MIA2: variants seen among roughly 807,000 people sequenced by gnomAD.
MIA2 encodes the protein MIA SH3 domain ER export factor 2, also known as melanoma inhibitory activity protein 2.
A neutral mutation model predicts 167.8 loss-of-function variants in MIA2; 127 were observed. That is an observed-to-expected ratio of 0.76 (90% CI 0.66 to 0.88). The LOEUF (loss-of-function observed/expected upper bound fraction) is 0.88. MIA2 is among the 40% of genes least tolerant of loss of function. MIA2 has a pLI of 0.00. For missense variants in MIA2, 1,690 were observed against 1,624.7 expected (o/e 1.04, Z -0.69); for synonymous variants, 552 against 541.9 (o/e 1.02, Z -0.26).
At chr14:39,263,127 A>G (rs1313792023) in intron 6 of MIA2, among the ~76,000 whole-genome samples, 1 of 152,132 alleles carries the variant, frequency 6.6e-6, no homozygotes, top group South Asian at 2.1e-4. Context: ...GTTTTTGCCC[A>G]TTCAGTATGA....
intron 20 of MIA2, 42 bp downstream of exon 20, chr14:39,314,841 T>G (rs770784856): frequency 7.8e-7 from 1 of 1,287,752 alleles, no homozygotes; most frequent in Non-Finnish European, 1.0e-6. Flanking sequence ...TGTGTGTATA[T>G]ATATATAATT....
In MIA2 at chr14:39,302,142, G is replaced by A. The variant is rs778696382; in HGVS notation, c.2633G>A (p.Arg878His). ...TTCAATGTCAAGACTCTGACTGAACGCTTGTTAAAGATGAAAGATTGGGCT... is the reference window on the plus strand; with the variant it reads ...TTCAATGTCAAGACTCTGACTGAACACTTGTTAAAGATGAAAGATTGGGCT... The part of the protein sequence containing the change: ...KESHIKTLTE[R>H]LLKMKDWAAM... Residue 878 changes from arginine to histidine, a missense_variant, in exon 15 of 29, where the codon CGC becomes CAC. By Grantham distance (29) the Arg-to-His change is conservative. Coordinates refer to ENST00000640607, the MANE Select transcript of MIA2 (RefSeq NM_001329214.4). The A allele has an allele frequency of 1.2e-6, 2 of 1,613,078 alleles. No individual in the cohort carries two copies. The highest frequency in any genetic ancestry group is 1.3e-5 in the African/African-American group (1 of 74,986).
At chr14:39,338,465 A>G (rs545777476) in intron 25 of MIA2, among the ~76,000 whole-genome samples, 209 of 152,356 alleles carry the variant, frequency 1.4e-3, no homozygotes, top group African/African-American at 4.8e-3. Flanking sequence ...TGATATAACT[A>G]ACACTCAGAT....
chr14:39,276,819 T>G (rs1298023387), intron 6 of MIA2, 115 bp from the exon 7 acceptor site: 1 of 1,058,066 alleles, frequency 9.5e-7, no homozygotes, highest in African/African-American at 1.6e-5. Context: ...ACTTTCTGTT[T>G]GGTGTTAGTC....
At chr14:39,348,656 T>A in intron 27 of MIA2, 87 bp from the exon 28 acceptor site, 1 of 1,536,076 alleles carries the variant, frequency 6.5e-7, no homozygotes, top group Non-Finnish European at 9.0e-7. Flanking sequence ...GCTTTCTGTC[T>A]AGATGATTTC....
chr14:39,263,987 C>G (rs181886179), intron 6 of MIA2, among the ~76,000 whole-genome samples: 1 of 152,154 alleles, frequency 6.6e-6, no homozygotes, highest in East Asian at 1.9e-4. Context: ...GGTACATGTA[C>G]AGGTTTGTTA....
At chr14:39,300,898 T>C (rs2062297768) in intron 14 of MIA2, among the ~76,000 whole-genome samples, 1 of 151,768 alleles carries the variant, frequency 6.6e-6, no homozygotes, top group Non-Finnish European at 1.5e-5. Flanking sequence ...GCTTTCTGAG[T>C]TTTATTCAGA....
intron 23 of MIA2, among the ~76,000 whole-genome samples, chr14:39,372,293 G>C (rs1398719001): frequency 2.0e-5 from 3 of 151,860 alleles, no homozygotes; most frequent in Non-Finnish European, 4.4e-5. Flanking sequence ...TCAGTTTTGT[G>C]TGAAAACGTA....
intron 6 of MIA2, chr14:39,266,495 C>T (rs1259120949): frequency 1.0e-6 from 1 of 985,378 alleles, no homozygotes; most frequent in African/African-American, 1.7e-5. Context: ...GAACTGAAGA[C>T]AGCTGGGCCT....
rs201213535 is a variant in MIA2, at chr14:39,279,411, A to G, written c.2042-38A>G. On this transcript the variant is annotated intron_variant, in intron 8 of 28. Transcript: ENST00000640607. ...CATTGTTGTGTTGTAAAAACTTATAATAATTTACTCATGGTAATATTGACT... is the reference window on the plus strand; with the variant it reads ...CATTGTTGTGTTGTAAAAACTTATAGTAATTTACTCATGGTAATATTGACT... The G allele has an allele frequency of 8.0e-5, 128 of 1,603,276 alleles. 2 individuals carry two copies. The highest frequency in any genetic ancestry group is 6.0e-4 in the East Asian group (27 of 44,770).
intron 6 of MIA2, among the ~76,000 whole-genome samples, chr14:39,256,780 GAA>G (rs1449163133): frequency 6.6e-6 from 1 of 152,186 alleles, no homozygotes; most frequent in Non-Finnish European, 1.5e-5. Context: ...AGTAAAAAAA[GAA>G]AATATAGAAC....
At chr14:39,318,887 C>T (rs2065931596) in intron 22 of MIA2, among the ~76,000 whole-genome samples, 1 of 152,074 alleles carries the variant, frequency 6.6e-6, no homozygotes, top group African/African-American at 2.4e-5. Flanking sequence ...AAATGATAGA[C>T]TGGTTGACCT....
chr14:39,259,692 G>A (rs1294046456), intron 6 of MIA2, among the ~76,000 whole-genome samples: 1 of 134,518 alleles, frequency 7.4e-6, no homozygotes, highest in Non-Finnish European at 1.5e-5. Context: ...CACCATGCCT[G>A]GCTAGGTTTT....
chr14:39,377,032 T>C (rs2075058766), intron 23 of MIA2, among the ~76,000 whole-genome samples: 1 of 152,318 alleles, frequency 6.6e-6, no homozygotes, highest in South Asian at 2.1e-4. Context: ...CTATTTTCCT[T>C]TCACATTTCT....
chr14:39,386,730 T>A, intron 23 of MIA2: 1 of 1,339,158 alleles, frequency 7.5e-7, no homozygotes. Flanking sequence ...ATATTTGTAA[T>A]CTGGTTCAGT....
chr14:39,266,640 T>A (rs1382594947), intron 6 of MIA2: 2 of 985,424 alleles, frequency 2.0e-6, no homozygotes, highest in African/African-American at 1.7e-5. Context: ...CGGACGTGGT[T>A]GGCAGGGCGC....
intron 25 of MIA2, among the ~76,000 whole-genome samples, chr14:39,337,248 T>A (rs1397156790): frequency 1.3e-5 from 2 of 152,204 alleles, no homozygotes; most frequent in Non-Finnish European, 2.9e-5. Flanking sequence ...TAGCAAATGT[T>A]AAATGTGTGT....
In MIA2 at chr14:39,347,686, T is replaced by G. The variant is rs139218380; in HGVS notation, c.3779-27T>G. 8,964 of 1,606,458 alleles carry G rather than the reference T, an allele frequency of 5.6e-3. 79 individuals carry two copies. Among genetic ancestry groups the G allele is most frequent in the Non-Finnish European group, 5.1e-3 (6,011 of 1,174,726 alleles). On this transcript the variant is annotated intron_variant, in intron 26 of 28. Coordinates refer to ENST00000640607, the MANE Select transcript of MIA2 (RefSeq NM_001329214.4). The stretch of plus-strand genomic sequence containing the variant: ...AGGAATAAAGTGATAAATCATGTAC[T>G]TTTCATGGTTTAACTTTTATGTCTA...
chr14:39,278,791 A>G (rs2058515941), intron 7 of MIA2, among the ~76,000 whole-genome samples: 4 of 139,344 alleles, frequency 2.9e-5, no homozygotes, highest in African/African-American at 7.9e-5. Flanking sequence ...TTAAACAAGT[A>G]TCTTTAGAGT....
Sources: allele counts gnomAD v4.1 joint callset (sites outside exome capture counted in the v4.1 genomes callset), GRCh38; gene constraint gnomAD v4.1.1; transcripts MANE v1.5; gene names NCBI Gene and HGNC (gene_info 2026-07-23, HGNC 2026-07-21).